The following ABCA10 variants were observed in gnomAD, a reference collection of about 807,000 sequenced individuals.
ABCA10 encodes ATP binding cassette subfamily A member 10, also known as ATP-binding cassette sub-family A member 10.
A neutral mutation model predicts 187.5 loss-of-function variants in ABCA10; 169 were observed. The ratio of observed to expected loss-of-function variants is 0.90; its 90% CI spans 0.80 to 1.02. ABCA10 has a LOEUF of 1.02. Among genes scored for constraint, ABCA10 ranks in the 50% least tolerant of loss-of-function variants. ABCA10 has a pLI of 0.00. For synonymous variants in ABCA10, 574 were observed against 601.8 expected (o/e 0.95, Z 0.68); for missense variants, 1,727 against 1,812.4 (o/e 0.95, Z 0.86).
In ABCA10 at chr17:69,153,376, C is replaced by T; in HGVS notation, c.4065G>A (p.Leu1355=). Residue 1355 remains leucine (L), a synonymous_variant, in exon 34 of 39, where the codon CTG becomes CTA. Transcript: ENST00000690296. ...KRKLCFVLSI[L]GNPSVVLLDE... ...CTAGAAGCACCACTGATGGGTTCCC[C>T]AGGATGCTCAGCACAAAGCACAGCT... 1 of 1,613,702 alleles carries T rather than the reference C, an allele frequency of 6.2e-7. No homozygotes were observed. Among genetic ancestry groups the T allele is most frequent in the Non-Finnish European group, 8.5e-7 (1 of 1,179,780 alleles).
intron 10 of ABCA10, among the ~76,000 whole-genome samples, chr17:69,201,123 C>G (rs1012197130): frequency 3.3e-5 from 5 of 152,150 alleles, no homozygotes; most frequent in African/African-American, 1.2e-4. Context: ...AAATTTCAGT[C>G]CCTATACTCC....
At chr17:69,215,459 C>T (rs2074696658) in intron 8 of ABCA10, 1 of 178,138 alleles carries the variant, frequency 5.6e-6, no homozygotes, top group Admixed American at 6.2e-5. Flanking sequence ...CCCAGTGTCA[C>T]CAGCTGGTAG....
intron 9 of ABCA10, among the ~76,000 whole-genome samples, 186 bp from the exon 10 acceptor site, chr17:69,201,854 G>C (rs2074548874): frequency 6.6e-6 from 1 of 151,988 alleles, no homozygotes; most frequent in Admixed American, 6.5e-5. Context: ...GCACGATCCT[G>C]GCTCACCGCA....
upstream of ABCA10, among the ~76,000 whole-genome samples, chr17:69,232,113 TC>T (rs1331640022): frequency 6.6e-6 from 1 of 152,150 alleles, no homozygotes; most frequent in Non-Finnish European, 1.5e-5. Flanking sequence ...CTCTTCATTT[TC>T]AATCTATGTG....
intron 25 of ABCA10, among the ~76,000 whole-genome samples, chr17:69,171,699 G>A (rs1388933773): frequency 1.3e-5 from 2 of 152,146 alleles, no homozygotes; most frequent in Admixed American, 6.5e-5. Flanking sequence ...GTCAATGAGA[G>A]AGCCTCTGCA....
At chr17:69,182,837 A>T in intron 20 of ABCA10, 29 bp from the exon 21 acceptor site, 1 of 263,124 alleles carries the variant, frequency 3.8e-6, no homozygotes, top group Non-Finnish European at 5.0e-6. Flanking sequence ...GGCAACAAGA[A>T]AAAAAAAAAA....
In ABCA10 at chr17:69,216,365, T is replaced by C. The variant is rs1386753287; in HGVS notation, c.531-7A>G. 2 of 1,606,376 alleles carry C rather than the reference T, an allele frequency of 1.2e-6. No homozygotes were observed. The highest frequency in any genetic ancestry group is 8.5e-7 in the Non-Finnish European group (1 of 1,177,048). On this transcript the variant is annotated splice_polypyrimidine_tract_variant and splice_region_variant and intron_variant, in intron 6 of 38. Transcript: ENST00000690296. ...TGTCAATCCCCAGGAGAGCCTATAG[T>C]AGAAACAAGGTGTTAGTTCAACTGT...
chr17:69,229,589 G>C (rs58634970), upstream of ABCA10, among the ~76,000 whole-genome samples: 56,469 of 151,612 alleles, frequency 0.37, 12,550 homozygotes, highest in South Asian at 0.52. Context: ...GCCCATTCAT[G>C]AAAGTGACAG....
At chr17:69,196,817 C>T (rs954420706) in intron 11 of ABCA10, among the ~76,000 whole-genome samples, 4 of 152,188 alleles carry the variant, frequency 2.6e-5, no homozygotes, top group African/African-American at 9.7e-5. Flanking sequence ...TGGAGACCAG[C>T]CCGGCCAACA....
chr17:69,155,802 C>G lies in ABCA10; in HGVS notation c.3576+3G>C. ...TATTAAGGGTCTAATCCCTGCTGTT[C>G]ACCTCCTCCAAGTTTGGAGCAGTGA... On this transcript the variant is annotated splice_donor_region_variant and intron_variant, in intron 29 of 38. Transcript: ENST00000690296. The G allele has an allele frequency of 6.2e-7, 1 of 1,613,398 alleles. No homozygotes were observed. The highest frequency in any genetic ancestry group is 8.5e-7 in the Non-Finnish European group (1 of 1,179,548).
Position 69,227,217 on chromosome 17 carries a change from C to T in ABCA10, c.-244G>A, listed in dbSNP as rs562266505. On this transcript the variant is annotated 5_prime_UTR_variant, in exon 2 of 39. In the 5' UTR this introduces an upstream ATG that the reference lacks. Transcript: ENST00000690296. ...AGAAGAGCCTGAATTTGTTGACGCA[C>T]GCTTATCTCTTTTTTAACCATTTTG... The T allele has an allele frequency of 4.7e-5, 7 of 150,032 alleles. No homozygotes were observed. The East Asian group carries it at 7.8e-4, about 17-fold the overall frequency. 9.3% of individuals were successfully genotyped at this position (150,032 alleles called of 1,614,324 possible).
chr17:69,168,649 C>T (rs371026369), intron 25 of ABCA10, among the ~76,000 whole-genome samples: 15 of 152,320 alleles, frequency 9.8e-5, no homozygotes, highest in East Asian at 7.7e-4. Context: ...CGGTTTGGCT[C>T]TGTCTCCCAA....
chr17:69,167,253 A>AG (rs1357010470), intron 25 of ABCA10, among the ~76,000 whole-genome samples: 1 of 152,198 alleles, frequency 6.6e-6, no homozygotes, highest in Non-Finnish European at 1.5e-5. Flanking sequence ...TCCAACCTCT[A>AG]GATCAGGGGT....
At chr17:69,239,511 G>C (rs558121972) in intron 1 of ABCA10, among the ~76,000 whole-genome samples, 2 of 152,054 alleles carry the variant, frequency 1.3e-5, no homozygotes, top group South Asian at 4.2e-4. Context: ...TATTTAAATG[G>C]GGGTAGGGAC....
intron 37 of ABCA10, chr17:69,149,434 T>C: frequency 4.3e-6 from 1 of 233,838 alleles, no homozygotes; most frequent in South Asian, 8.4e-5. Context: ...CTGGCTCCCT[T>C]TTCACACTTG....
chr17:69,228,788 T>C lies in ABCA10; in HGVS notation c.-520A>G, dbSNP rs539351856. On this transcript the variant is annotated 5_prime_UTR_variant, in exon 1 of 39. Transcript: ENST00000690296. ...TGTTGGTTTTTTCCCTATGTTTTTC[T>C]CCTTGTCCAGTTACTCTTCAGAGAG... 1 of 152,142 alleles carries C rather than the reference T, an allele frequency of 6.6e-6. No homozygotes were observed. The highest frequency in any genetic ancestry group is 1.5e-5 in the Non-Finnish European group (1 of 67,914). 9.4% of individuals were successfully genotyped at this position (152,142 alleles called of 1,614,324 possible). A position where few individuals can be genotyped will look rare whatever the true frequency, so the allele number is the denominator to read the frequency against.
At chr17:69,211,629 G>T (rs1449696697) in intron 9 of ABCA10, among the ~76,000 whole-genome samples, 1 of 151,236 alleles carries the variant, frequency 6.6e-6, no homozygotes, top group Non-Finnish European at 1.5e-5. Context: ...GGGGGCGGGG[G>T]GGAATATTTT....
intron 1 of ABCA10, among the ~76,000 whole-genome samples, chr17:69,240,775 T>C (rs971940238): frequency 6.6e-6 from 1 of 152,222 alleles, no homozygotes; most frequent in African/African-American, 2.4e-5. Flanking sequence ...CAAACTCAAT[T>C]TCACTTTACA....
At chr17:69,157,942 A>T (rs1432894484) in intron 27 of ABCA10, among the ~76,000 whole-genome samples, 1 of 152,024 alleles carries the variant, frequency 6.6e-6, no homozygotes, top group Non-Finnish European at 1.5e-5. Context: ...TACAGAATAT[A>T]AAATAAAATT....
Sources: allele counts gnomAD v4.1 joint callset (sites outside exome capture counted in the v4.1 genomes callset), GRCh38; gene constraint gnomAD v4.1.1; transcripts MANE v1.5; gene names NCBI Gene and HGNC (gene_info 2026-07-23, HGNC 2026-07-21).